Variants in CNTN5 observed in about 807,000 individuals in gnomAD.
CNTN5 encodes contactin-5.
In CNTN5, 77 loss-of-function variants were observed where a neutral mutation model predicts 129.1. The ratio of observed to expected loss-of-function variants is 0.60; its 90% confidence interval spans 0.50 to 0.72. The LOEUF is 0.72. Among genes scored for constraint, CNTN5 ranks in the 30% least tolerant of loss-of-function variants. CNTN5 has a pLI of 0.00. For missense variants in CNTN5, 1,478 were observed against 1,328.8 expected (o/e 1.11, Z -1.75); for synonymous variants, 509 against 465.6 (o/e 1.09, Z -1.20).
chr11:99,135,069 C>T (rs1224820810), intron 1 of CNTN5, among the ~76,000 whole-genome samples: 4 of 152,074 alleles, frequency 2.6e-5, no homozygotes, highest in Non-Finnish European at 4.4e-5. Flanking sequence ...CAATGTTCTG[C>T]GAATTTCTAA....
intron 3 of CNTN5, among the ~76,000 whole-genome samples, chr11:99,810,186 A>G (rs78469430): frequency 3.9e-5 from 6 of 152,146 alleles, no homozygotes; most frequent in East Asian, 1.9e-4. Flanking sequence ...ATTTGTAACA[A>G]TGTTCATGCT....
Position 99,805,077 on chromosome 11 carries a change from G to C in CNTN5, c.56-14467G>C, listed in dbSNP as rs191302955. Among the ~76,000 whole-genome samples the C allele has an allele frequency of 5.5e-4, 83 of 151,904 alleles. No homozygotes were observed. The East Asian group carries it at 0.016, about 29-fold the overall frequency. On this transcript the variant is annotated intron_variant, in intron 3 of 24. Transcript: ENST00000524871. Reference sequence around the variant, plus strand: ...AATGGAATATATAAATTTCGACAAAGAGAGTCTTTCTCAGAAGAAAATTGT... The same window carrying C: ...AATGGAATATATAAATTTCGACAAACAGAGTCTTTCTCAGAAGAAAATTGT...
At chr11:99,389,724 T>C (rs1941149128) in intron 2 of CNTN5, among the ~76,000 whole-genome samples, 1 of 152,140 alleles carries the variant, frequency 6.6e-6, no homozygotes, top group Non-Finnish European at 1.5e-5. Context: ...TGTCGAAATA[T>C]AGGCAGATGC....
intron 13 of CNTN5, among the ~76,000 whole-genome samples, chr11:100,169,725 C>T (rs1048663392): frequency 6.6e-6 from 1 of 152,010 alleles, no homozygotes; most frequent in Non-Finnish European, 1.5e-5. Context: ...TGGTTTGCAA[C>T]TAAATCCGCA....
At chr11:99,417,450 G>A (rs917017462) in intron 2 of CNTN5, among the ~76,000 whole-genome samples, 5 of 152,076 alleles carry the variant, frequency 3.3e-5, no homozygotes, top group Non-Finnish European at 5.9e-5. Context: ...ACAATGTACC[G>A]TCAACTTGGT....
chr11:100,006,374 C>T (rs1940188680), intron 9 of CNTN5, among the ~76,000 whole-genome samples: 2 of 152,034 alleles, frequency 1.3e-5, no homozygotes, highest in African/African-American at 4.8e-5. Flanking sequence ...AGCATTTTAC[C>T]CACAGTAGAA....
chr11:100,210,414 A>G (rs922553575), intron 15 of CNTN5, among the ~76,000 whole-genome samples: 4 of 150,922 alleles, frequency 2.7e-5, no homozygotes, highest in African/African-American at 9.7e-5. Context: ...TCTGTTTCCT[A>G]TGAAACTTAT....
intron 18 of CNTN5, among the ~76,000 whole-genome samples, chr11:100,287,911 A>G (rs1950835643): frequency 6.6e-6 from 1 of 152,212 alleles, no homozygotes; most frequent in Non-Finnish European, 1.5e-5. Flanking sequence ...GGATGGAGGA[A>G]GATCTACCAA....
chr11:100,321,338 A>C (rs2138961342), intron 21 of CNTN5, among the ~76,000 whole-genome samples: 1 of 121,244 alleles, frequency 8.2e-6, no homozygotes, highest in Non-Finnish European at 1.8e-5. Flanking sequence ...TGGTTTCCTG[A>C]TTTCTTTTTC....
intron 3 of CNTN5, among the ~76,000 whole-genome samples, chr11:99,621,535 T>TATTTAGTC (rs5793999): frequency 0.45 from 68,340 of 151,670 alleles, 15,787 homozygotes; most frequent in Admixed American, 0.59. Context: ...AATACAAAAA[T>TATTTAGTC]AGTAAATATT....
At chr11:99,056,434 C>G (rs572580777) in intron 1 of CNTN5, among the ~76,000 whole-genome samples, 1 of 152,014 alleles carries the variant, frequency 6.6e-6, no homozygotes, top group South Asian at 2.1e-4. Flanking sequence ...GGAAACTAGA[C>G]AGCTGGAAAC....
chr11:99,436,576 G>A (rs1422757948), intron 2 of CNTN5, among the ~76,000 whole-genome samples: 3 of 151,948 alleles, frequency 2.0e-5, no homozygotes, highest in South Asian at 2.1e-4. Context: ...TGTTTATGAC[G>A]GACAGACATC....
At chr11:99,260,376 C>G (rs576251866) in intron 1 of CNTN5, among the ~76,000 whole-genome samples, 4 of 151,656 alleles carry the variant, frequency 2.6e-5, no homozygotes, top group Non-Finnish European at 5.9e-5. Context: ...AGATTTAGAA[C>G]TTTCTTTAAG....
At chr11:100,101,097 A>C (rs1945206233) in intron 13 of CNTN5, among the ~76,000 whole-genome samples, 2 of 152,140 alleles carry the variant, frequency 1.3e-5, no homozygotes, top group South Asian at 4.1e-4. Flanking sequence ...AAATAGAAAC[A>C]ATACGGTATG....
rs538970288 is a variant in CNTN5, at chr11:99,350,758, A to G, written c.-71+25274A>G. On this transcript the variant is annotated intron_variant, in intron 2 of 24. Coordinates refer to ENST00000524871, the MANE Select transcript of CNTN5 (RefSeq NM_014361.4). ...TTTAGTTCTTGAACAGAAAAATGTC[A>G]TGTATGATAAAAAGAAAACAATCAG... Among the ~76,000 whole-genome samples the G allele has an allele frequency of 2.0e-5, 3 of 152,136 alleles. No homozygotes were observed. The East Asian group carries it at 5.8e-4, about 30-fold the overall frequency.
chr11:99,440,788 C>G (rs1039981947), intron 2 of CNTN5, among the ~76,000 whole-genome samples: 2 of 152,012 alleles, frequency 1.3e-5, no homozygotes, highest in African/African-American at 4.8e-5. Context: ...TATGTCCAGG[C>G]TTGGAAGTCA....
intron 13 of CNTN5, among the ~76,000 whole-genome samples, chr11:100,187,159 T>C (rs1948323288): frequency 6.6e-6 from 1 of 152,180 alleles, no homozygotes; most frequent in Non-Finnish European, 1.5e-5. Flanking sequence ...TTGCAGCTAT[T>C]GTAAATGGGA....
rs71050033 is a variant in CNTN5 at position 99,923,757 on chromosome 11, G to GTCTGTCTATCTATCTATCTATCTA, written c.673+7611_673+7612insGTCTATCTATCTATCTATCTATCT. On this transcript the variant is annotated intron_variant, in intron 7 of 24. Coordinates refer to ENST00000524871, the MANE Select transcript of CNTN5 (RefSeq NM_014361.4). ...ATCTGTCTATCTAATCTATCTGTCT[G>GTCTGTCTATCTATCTATCTATCTA]TCTATCTATCTATCTATCTATCTAT... Among the ~76,000 whole-genome samples the GTCTGTCTATCTATCTATCTATCTA allele has an allele frequency of 9.2e-4, 129 of 140,694 alleles. 1 individual carries two copies. The highest frequency in any genetic ancestry group is 1.4e-3 in the Non-Finnish European group (89 of 65,406). The allele number at this position is 140,694 out of a possible 152,430, so 92.3% of individuals were successfully genotyped here.
intron 1 of CNTN5, among the ~76,000 whole-genome samples, chr11:99,156,000 A>G (rs1434350183): frequency 1.3e-5 from 2 of 152,102 alleles, no homozygotes; most frequent in Non-Finnish European, 2.9e-5. Flanking sequence ...AAGAAAATGT[A>G]GACAAATATT....
Sources: gnomAD v4.1 joint callset for allele counts (sites outside exome capture counted in the v4.1 genomes callset) on GRCh38, gnomAD v4.1.1 for gene constraint, MANE v1.5 for transcripts, NCBI Gene and HGNC (gene_info 2026-07-23, HGNC 2026-07-21) for gene names.